Variants in CELSR1 observed in about 807,000 individuals in gnomAD.
CELSR1 encodes cadherin EGF LAG seven-pass G-type receptor 1, also known as adhesion G protein-coupled receptor C1.
In CELSR1, 110 loss-of-function variants were observed where a neutral mutation model predicts 249.1. That is an observed-to-expected ratio of 0.44 (90% CI 0.38 to 0.52). The LOEUF is 0.52. CELSR1 is among the 20% of genes least tolerant of loss of function. The probability of loss-of-function intolerance (pLI) is 0.00; values close to 1 mark genes in which losing one functional copy is unlikely to be tolerated. For synonymous variants in CELSR1, 2,113 were observed against 1,900.0 expected (o/e 1.11, Z -2.92); for missense variants, 4,109 against 4,296.4 (o/e 0.96, Z 1.22).
chr22:46,503,899 C>T (rs1264751428), intron 1 of CELSR1, among the ~76,000 whole-genome samples: 3 of 152,078 alleles, frequency 2.0e-5, no homozygotes, highest in South Asian at 2.1e-4. Context: ...CCAGGTGTGG[C>T]GATGTGCATC....
rs1250884632 is a variant in CELSR1 at position 46,433,745 on chromosome 22, C to T, written c.4523-264G>A. Among the ~76,000 whole-genome samples the T allele has an allele frequency of 1.3e-5, 2 of 152,160 alleles. No individual in the cohort carries two copies. The highest frequency in any genetic ancestry group is 6.5e-5 in the Admixed American group (1 of 15,284). ...TGTCGCCCAGGCTGGAGTGCAGTGG[C>T]GTGATCTCAGCTCACTGCCACCTCC... is the stretch of plus-strand genomic sequence containing the variant. On this transcript the variant is annotated intron_variant, in intron 4 of 34. Coordinates refer to ENST00000674500, the MANE Select transcript of CELSR1 (RefSeq NM_001378328.1). This position sits in a 1 kb window ranked among gnomAD's most constrained non-coding sequence, Gnocchi z 5.7.
chr22:46,508,237 G>T (rs2080535387), intron 1 of CELSR1, among the ~76,000 whole-genome samples: 1 of 151,788 alleles, frequency 6.6e-6, no homozygotes. Context: ...ACAGATCCTG[G>T]GCGCCAACTG....
chr22:46,444,933 C>T (rs1258569596), intron 2 of CELSR1, among the ~76,000 whole-genome samples: 2 of 152,190 alleles, frequency 1.3e-5, no homozygotes, highest in African/African-American at 2.4e-5. Flanking sequence ...AGGCCGGGAG[C>T]GGTGGCTCGT....
chr22:46,378,464 A>G (rs1192855744), intron 23 of CELSR1, 127 bp downstream of exon 23: 2 of 977,408 alleles, frequency 2.0e-6, no homozygotes, highest in Non-Finnish European at 3.0e-6. Context: ...TGAGGAGGGG[A>G]CAGATTTGGG....
chr22:46,478,927 G>A (rs1416072974), intron 1 of CELSR1, among the ~76,000 whole-genome samples: 1 of 151,896 alleles, frequency 6.6e-6, no homozygotes, highest in African/African-American at 2.4e-5. Flanking sequence ...GAGCTCTCAG[G>A]CTCTTCAGCC....
chr22:46,504,286 G>C lies in CELSR1; in HGVS notation c.3544+29341C>G, dbSNP rs2080492848. Reference sequence around the variant, plus strand: ...CCCAGCACTTTGGGAGGCCAAGGCAGGCGGATCACAAGGTCAGGAGTTTGA... The same window carrying C: ...CCCAGCACTTTGGGAGGCCAAGGCACGCGGATCACAAGGTCAGGAGTTTGA... On this transcript the variant is annotated intron_variant, in intron 1 of 34. Transcript: ENST00000674500. 1.3e-5 allele frequency among the ~76,000 whole-genome samples: 2 copies of C among 152,112 alleles called. 1 individual carries two copies. Among genetic ancestry groups the C allele is most frequent in the South Asian group, 4.2e-4 (2 of 4,816 alleles).
At position 46,369,815 on chromosome 22, in the gene CELSR1, C is replaced by G. The variant is rs750953300; in HGVS notation, c.7760-11G>C. 1.2e-6 allele frequency: 2 copies of G among 1,610,972 alleles called. No homozygotes were observed. The highest frequency in any genetic ancestry group is 2.2e-5 in the South Asian group (2 of 91,008). Reference sequence around the variant, plus strand: ...GGCCGACCGCCAGTCCTGAACACAGCGGGGAGGAAGGGAAGGGTGAGGGCC... The same window carrying G: ...GGCCGACCGCCAGTCCTGAACACAGGGGGGAGGAAGGGAAGGGTGAGGGCC... On this transcript the variant is annotated splice_polypyrimidine_tract_variant and intron_variant, in intron 25 of 34. Coordinates refer to ENST00000674500, the MANE Select transcript of CELSR1 (RefSeq NM_001378328.1).
Position 46,423,624 on chromosome 22 carries a change from A to C in CELSR1, c.4611+9769T>G, listed in dbSNP as rs934677224. Reference sequence around the variant, plus strand: ...TCGTCTCAGAAAAAAAAAAAAAAAAAGACTCCATGCTTTAGGCAGTTTATG... The same window carrying C: ...TCGTCTCAGAAAAAAAAAAAAAAAACGACTCCATGCTTTAGGCAGTTTATG... On this transcript the variant is annotated intron_variant, in intron 5 of 34. Coordinates refer to ENST00000674500, the MANE Select transcript of CELSR1 (RefSeq NM_001378328.1). This position sits in a 1 kb window ranked among gnomAD's most constrained non-coding sequence, Gnocchi z 5.6. 3.4e-5 allele frequency among the ~76,000 whole-genome samples: 5 copies of C among 145,738 alleles called. No homozygotes were observed. Among genetic ancestry groups the C allele is most frequent in the Non-Finnish European group, 7.5e-5 (5 of 66,890 alleles).
intron 1 of CELSR1, among the ~76,000 whole-genome samples, chr22:46,516,373 C>T (rs534234275): frequency 7.2e-4 from 110 of 152,124 alleles, no homozygotes; most frequent in African/African-American, 2.2e-3. Context: ...AACCAAACAC[C>T]GCATGTTCTC....
chr22:46,369,767 G>T lies in CELSR1; in HGVS notation c.7797C>A (p.Asn2599Lys). 7 of 1,613,330 alleles carry T rather than the reference G, an allele frequency of 4.3e-6. No homozygotes were observed. Among genetic ancestry groups the T allele is most frequent in the Non-Finnish European group, 5.9e-6 (7 of 1,180,000 alleles). The change falls in exon 26 of 35, where the codon AAC (asparagine) becomes AAA (lysine). Residue 2599 changes from asparagine (N) to lysine (K), a missense_variant. By Grantham distance (94) the Asn-to-Lys change is moderately conservative. Coordinates refer to ENST00000674500, the MANE Select transcript of CELSR1 (RefSeq NM_001378328.1). Reference sequence around the variant, plus strand: ...GAAGCGACAGCCAGCAGAAGTCGGGGTTCCCGTAGCCCTGGGGGTCCAGGC... The same window carrying T: ...GAAGCGACAGCCAGCAGAAGTCGGGTTTCCCGTAGCCCTGGGGGTCCAGGC... ...AVGLDPQGYG[N>K]PDFCWLSLQD...
chr22:46,425,712 CTTA>C (rs372878428), intron 5 of CELSR1, among the ~76,000 whole-genome samples: 1,334 of 44,830 alleles, frequency 0.03, 26 homozygotes, highest in Middle Eastern at 0.044. Flanking sequence ...TTTTGTTAAT[CTTA>C]AAGAATCGGC....
intron 1 of CELSR1, among the ~76,000 whole-genome samples, chr22:46,498,086 TAA>T (rs2080430351): frequency 6.7e-6 from 1 of 149,962 alleles, no homozygotes; most frequent in South Asian, 2.1e-4. Context: ...CCGTCTCTAA[TAA>T]AAATACAAAA....
chr22:46,458,649 G>A (rs901830642), intron 2 of CELSR1, among the ~76,000 whole-genome samples: 1 of 152,196 alleles, frequency 6.6e-6, no homozygotes. Context: ...GGAAGAGGCT[G>A]GAGGCCCGGG....
At position 46,440,684 on chromosome 22, in the gene CELSR1, T is replaced by C. The variant is rs1266757363; in HGVS notation, c.4184-1273A>G. 4.6e-5 allele frequency among the ~76,000 whole-genome samples: 7 copies of C among 152,226 alleles called. No individual in the cohort carries two copies. In the East Asian group the frequency reaches 5.8e-4, roughly 13 times the overall value. On this transcript the variant is annotated intron_variant, in intron 2 of 34. Transcript: ENST00000674500. This position sits in a 1 kb window ranked among gnomAD's most constrained non-coding sequence, Gnocchi z 4.7. The stretch of plus-strand genomic sequence containing the variant: ...TTTTGGTCCTGCTCTTATTGTGTTA[T>C]AGAAGCTCCTCGTAAATTATGGAAG...
chr22:46,505,046 A>G (rs1361533645), intron 1 of CELSR1, among the ~76,000 whole-genome samples: 1 of 151,792 alleles, frequency 6.6e-6, no homozygotes, highest in Non-Finnish European at 1.5e-5. Flanking sequence ...GCGGATCATG[A>G]GGTCAGGAGA....
rs533928408 is a variant in CELSR1, at chr22:46,507,995, G to A, written c.3544+25632C>T. On this transcript the variant is annotated intron_variant, in intron 1 of 34. Transcript: ENST00000674500. ...GGCTCCTAGGTGGGATAACCATGCT[G>A]GGGATAGCTTGGTCCCGCCGGGATA... Among the ~76,000 whole-genome samples, 319 of 152,294 alleles carry A rather than the reference G, an allele frequency of 2.1e-3. 1 individual carries two copies. Among genetic ancestry groups the A allele is most frequent in the Non-Finnish European group, 2.5e-3 (170 of 68,018 alleles).
intron 1 of CELSR1, among the ~76,000 whole-genome samples, chr22:46,505,089 C>T (rs1250793474): frequency 1.3e-5 from 2 of 151,838 alleles, no homozygotes; most frequent in African/African-American, 2.4e-5. Flanking sequence ...GGTGAAACCC[C>T]GTCTCTATTA....
chr22:46,419,265 A>G (rs2079438210), intron 5 of CELSR1, among the ~76,000 whole-genome samples: 1 of 152,170 alleles, frequency 6.6e-6, no homozygotes, highest in South Asian at 2.1e-4. Flanking sequence ...TGACAAATGA[A>G]GGGCCAAAAT....
chr22:46,404,618 G>GCA (rs1555911393), intron 9 of CELSR1, among the ~76,000 whole-genome samples: 17 of 151,642 alleles, frequency 1.1e-4, no homozygotes, highest in African/African-American at 3.6e-4. Flanking sequence ...GGGGAGGGGG[G>GCA]CACACACACA....
Sources: allele counts gnomAD v4.1 joint callset (sites outside exome capture counted in the v4.1 genomes callset), GRCh38; gene constraint gnomAD v4.1.1; non-coding constraint Gnocchi (gnomAD v3.1); transcripts MANE v1.5; gene names NCBI Gene and HGNC (gene_info 2026-07-23, HGNC 2026-07-21).